SLC9D1: variants seen among roughly 807,000 people sequenced by gnomAD.
The protein encoded by SLC9D1 is solute carrier family 9 member D1.
chr13:113,495,972 A>T, the SLC9D1 span: 146 of 1,613,720 alleles, frequency 9.0e-5, no homozygotes, highest in Admixed American at 1.7e-4. Context: ...TGTCGTGAAC[A>T]TGAAGGAGAG....
the SLC9D1 span, chr13:113,520,848 G>A: frequency 6.4e-6 from 5 of 780,658 alleles, no homozygotes; most frequent in East Asian, 2.6e-5. Flanking sequence ...TCAGGATTCC[G>A]TGCACAGTCC....
At chr13:113,498,627 T>C in the SLC9D1 span, 2 of 895,592 alleles carry the variant, frequency 2.2e-6, no homozygotes, top group Non-Finnish European at 1.6e-6. Context: ...AGATTGAAAA[T>C]GAAGACAAAC....
chr13:113,547,866 G>A, the SLC9D1 span, among the ~76,000 whole-genome samples: 1 of 151,868 alleles, frequency 6.6e-6, no homozygotes, highest in Admixed American at 6.6e-5. Flanking sequence ...GCCAGAAGCT[G>A]TGATGATCGT....
chr13:113,496,933 A>G, the SLC9D1 span, among the ~76,000 whole-genome samples: 1 of 152,218 alleles, frequency 6.6e-6, no homozygotes, highest in Non-Finnish European at 1.5e-5. Context: ...AAAAAACATG[A>G]GTTTGAGTAA....
chr13:113,548,616 T>C, the SLC9D1 span, among the ~76,000 whole-genome samples: 3 of 152,272 alleles, frequency 2.0e-5, no homozygotes, highest in South Asian at 6.2e-4. Flanking sequence ...TCATCCAGCA[T>C]GTGGCGTTTT....
chr13:113,505,167 C>G, the SLC9D1 span: 1 of 151,902 alleles, frequency 6.6e-6, no homozygotes, highest in Non-Finnish European at 1.5e-5. Context: ...TTTTTTCTTG[C>G]TGACTTTTTT....
the SLC9D1 span, chr13:113,534,359 C>G: frequency 2.3e-6 from 2 of 853,844 alleles, no homozygotes; most frequent in Non-Finnish European, 3.6e-6. Context: ...GAAACATTTA[C>G]TAGTATTTTT....
the SLC9D1 span, among the ~76,000 whole-genome samples, chr13:113,513,285 C>T: frequency 6.6e-6 from 1 of 152,154 alleles, no homozygotes. Flanking sequence ...AAAATGCAGG[C>T]ATTTCTGATG....
the SLC9D1 span, chr13:113,536,713 G>A: frequency 1.3e-4 from 26 of 199,586 alleles, no homozygotes; most frequent in Admixed American, 1.0e-3. Flanking sequence ...ATCTGCACCC[G>A]ATGCCACAAT....
At chr13:113,547,222 A>G in the SLC9D1 span, 1 of 1,061,972 alleles carries the variant, frequency 9.4e-7, no homozygotes, top group Non-Finnish European at 1.5e-6. Context: ...AGCAAGTGAC[A>G]CACTGAAGTT....
chr13:113,499,550 GA>G, the SLC9D1 span, among the ~76,000 whole-genome samples: 2 of 152,032 alleles, frequency 1.3e-5, no homozygotes, highest in African/African-American at 2.4e-5. Flanking sequence ...AAGATTCTAA[GA>G]AAAAAAGTGG....
chr13:113,547,395 G>T, the SLC9D1 span: 9 of 1,603,032 alleles, frequency 5.6e-6, no homozygotes, highest in African/African-American at 5.4e-5. Context: ...GACTGGAAGG[G>T]TCCACGCCCC....
the SLC9D1 span, among the ~76,000 whole-genome samples, chr13:113,538,496 G>A: frequency 6.6e-6 from 1 of 152,188 alleles, no homozygotes; most frequent in Admixed American, 6.5e-5. Flanking sequence ...GTCTCTTGGC[G>A]CTCCTGTGCG....
At chr13:113,510,117 G>A in the SLC9D1 span, 26 of 876,198 alleles carry the variant, frequency 3.0e-5, no homozygotes, top group Admixed American at 2.7e-4. Context: ...TGACCCCAGC[G>A]TTGCTTCACA....
chr13:113,515,480 A>G, the SLC9D1 span, among the ~76,000 whole-genome samples: 1 of 152,216 alleles, frequency 6.6e-6, no homozygotes, highest in Admixed American at 6.5e-5. Context: ...AGAGAGACGC[A>G]GGGCAGTCGG....
the SLC9D1 span, chr13:113,510,212 G>A: frequency 7.6e-5 from 122 of 1,603,506 alleles, no homozygotes; most frequent in African/African-American, 1.5e-3. Flanking sequence ...ACTAAAAAGT[G>A]TGTGACTCAC....
the SLC9D1 span, chr13:113,539,410 G>A: frequency 2.8e-5 from 45 of 1,613,358 alleles, no homozygotes; most frequent in Admixed American, 3.2e-4. This position sits in a 1 kb window ranked among gnomAD's most constrained non-coding sequence, Gnocchi z 4.8. Flanking sequence ...TGGCTGGAGC[G>A]CTCGTCTCCT....
At chr13:113,515,847 T>C in the SLC9D1 span, among the ~76,000 whole-genome samples, 2 of 132,674 alleles carry the variant, frequency 1.5e-5, no homozygotes, top group Non-Finnish European at 3.0e-5. Context: ...GCCGAGATCG[T>C]GCCACTGCAC....
the SLC9D1 span, among the ~76,000 whole-genome samples, chr13:113,539,171 TAGC>T: frequency 6.6e-6 from 1 of 152,222 alleles, no homozygotes; most frequent in African/African-American, 2.4e-5. This position sits in a 1 kb window ranked among gnomAD's most constrained non-coding sequence, Gnocchi z 4.8. Context: ...ATTCAACTAA[TAGC>T]AGCCTCCACA....
Sources: gnomAD v4.1 joint callset for allele counts (sites outside exome capture counted in the v4.1 genomes callset) on GRCh38, gnomAD v4.1.1 for gene constraint, Gnocchi (gnomAD v3.1) non-coding constraint, MANE v1.5 for transcripts, NCBI Gene and HGNC (gene_info 2026-07-23, HGNC 2026-07-21) for gene names.